SLC15A4: variants seen among roughly 807,000 people sequenced by gnomAD.
SLC15A4 encodes the protein solute carrier family 15 member 4, also known as hPHT1.
SLC15A4 carries 26 observed loss-of-function variants against 46.1 expected under a neutral mutation model. The ratio of observed to expected loss-of-function variants is 0.56; its 90% CI spans 0.41 to 0.78. SLC15A4 has a LOEUF of 0.78. SLC15A4 is among the 30% of genes least tolerant of loss of function. SLC15A4 has a pLI of 0.00. For missense variants in SLC15A4, 751 were observed against 755.7 expected (o/e 0.99, Z 0.07); for synonymous variants, 370 against 333.4 (o/e 1.11, Z -1.20).
At chr12:128,822,293 T>G (rs1238498843) in intron 1 of SLC15A4, among the ~76,000 whole-genome samples, 1 of 152,250 alleles carries the variant, frequency 6.6e-6, no homozygotes, top group Admixed American at 6.5e-5. Context: ...CATTTTCATC[T>G]GAGCTTTCCG....
intron 4 of SLC15A4, 57 bp from the exon 5 acceptor site, chr12:128,809,013 C>A: frequency 6.6e-7 from 1 of 1,514,096 alleles, no homozygotes; most frequent in South Asian, 1.2e-5. Flanking sequence ...CATCACCTGT[C>A]TAGAGAACCA....
chr12:128,812,947 G>T (rs114360224), intron 2 of SLC15A4, among the ~76,000 whole-genome samples: 1 of 151,966 alleles, frequency 6.6e-6, no homozygotes, highest in Admixed American at 6.6e-5. Context: ...AGAGGAAATC[G>T]GCTTCCTAAG....
Position 128,823,951 on chromosome 12 carries a change from C to A in SLC15A4, c.-8G>T. The A allele has an allele frequency of 2.1e-6, 1 of 466,894 alleles. No individual in the cohort carries two copies. Among genetic ancestry groups the A allele is most frequent in the Non-Finnish European group, 2.8e-6 (1 of 355,680 alleles). 28.9% of individuals were successfully genotyped at this position (466,894 alleles called of 1,614,324 possible). On this transcript the variant is annotated 5_prime_UTR_variant, in exon 1 of 8. Coordinates refer to ENST00000266771, the MANE Select transcript of SLC15A4 (RefSeq NM_145648.4). ...GCCCCCAGAGCCCTCCATGCGACGC[C>A]GCCAGCTGCCTCGCCCCGCCGCCGG...
chr12:128,817,582 A>G (rs972069412), intron 1 of SLC15A4, among the ~76,000 whole-genome samples: 2 of 152,112 alleles, frequency 1.3e-5, no homozygotes, highest in Admixed American at 6.5e-5. Context: ...GACACTGCAC[A>G]TATCTTCCCA....
chr12:128,817,359 G>A (rs975900369), intron 1 of SLC15A4, among the ~76,000 whole-genome samples: 2 of 152,174 alleles, frequency 1.3e-5, no homozygotes, highest in African/African-American at 4.8e-5. Context: ...CAGAGAAATG[G>A]TTACTGAGAA....
intron 7 of SLC15A4, 151 bp downstream of exon 7, chr12:128,799,108 G>T: frequency 1.3e-6 from 1 of 788,912 alleles, no homozygotes; most frequent in Non-Finnish European, 2.1e-6. Flanking sequence ...GATGCAAGCA[G>T]CACAGAGCAG....
At chr12:128,816,352 C>T (rs181916062) in intron 1 of SLC15A4, among the ~76,000 whole-genome samples, 35 of 152,310 alleles carry the variant, frequency 2.3e-4, no homozygotes, top group African/African-American at 7.5e-4. Flanking sequence ...TTTTAACAAA[C>T]TTATGAGAGG....
At chr12:128,807,052 G>A (rs567697467) in intron 5 of SLC15A4, among the ~76,000 whole-genome samples, 4 of 152,044 alleles carry the variant, frequency 2.6e-5, no homozygotes, top group East Asian at 1.9e-4. Flanking sequence ...ACAGGCGCCC[G>A]CCACCATGGC....
intron 1 of SLC15A4, chr12:128,819,930 T>C (rs538205602): frequency 6.6e-6 from 1 of 152,416 alleles, no homozygotes; most frequent in South Asian, 2.1e-4. Context: ...CCAGCTCCCC[T>C]AGGCACCTGC....
intron 1 of SLC15A4, among the ~76,000 whole-genome samples, chr12:128,817,955 G>T (rs2135722574): frequency 1.3e-5 from 2 of 151,962 alleles, no homozygotes; most frequent in South Asian, 4.1e-4. Context: ...CACATGACTG[G>T]CCAAAAGATA....
chr12:128,818,955 G>C (rs1030497608), intron 1 of SLC15A4, among the ~76,000 whole-genome samples: 1 of 152,040 alleles, frequency 6.6e-6, no homozygotes, highest in East Asian at 1.9e-4. Context: ...TGAAAAATAT[G>C]CCATTGTATG....
chr12:128,804,479 C>G (rs562238573), intron 5 of SLC15A4, among the ~76,000 whole-genome samples: 73 of 152,300 alleles, frequency 4.8e-4, no homozygotes, highest in African/African-American at 1.7e-3. Context: ...CGCCTGTAAT[C>G]CCAGCACTTT....
At position 128,814,671 on chromosome 12, in the gene SLC15A4, C is replaced by T. The variant is rs1955720410; in HGVS notation, c.842+104G>A. The T allele has an allele frequency of 6.5e-6, 8 of 1,237,970 alleles. No homozygotes were observed. The East Asian group carries it at 1.9e-4, about 29-fold the overall frequency. The allele number at this position is 1,237,970 out of a possible 1,614,324, so 76.7% of individuals were successfully genotyped here. On this transcript the variant is annotated intron_variant, in intron 2 of 7. Transcript: ENST00000266771. ...GAGAAGACATGTAAACCACTCAGCC[C>T]AGGCCCAGCACACAATAAGCACACA...
chr12:128,794,033 C>T lies in SLC15A4; in HGVS notation c.*163G>A, dbSNP rs1407997811. 3.1e-6 allele frequency: 2 copies of T among 654,338 alleles called. No homozygotes were observed. The highest frequency in any genetic ancestry group is 3.4e-5 in the South Asian group (1 of 29,180). The allele number at this position is 654,338 out of a possible 1,614,324, so 40.5% of individuals were successfully genotyped here. Reference sequence around the variant, plus strand: ...AGACACGCTGCAGTAAGGCACTTACCAAGCTCCTTTGGATAGAGGGAAAGA... The same window carrying T: ...AGACACGCTGCAGTAAGGCACTTACTAAGCTCCTTTGGATAGAGGGAAAGA... On this transcript the variant is annotated 3_prime_UTR_variant, in exon 8 of 8. Coordinates refer to ENST00000266771, the MANE Select transcript of SLC15A4 (RefSeq NM_145648.4).
chr12:128,812,386 C>T (rs1423050180), intron 2 of SLC15A4, among the ~76,000 whole-genome samples: 7 of 151,896 alleles, frequency 4.6e-5, no homozygotes, highest in Non-Finnish European at 8.8e-5. Flanking sequence ...GTGGTGTGAT[C>T]GCGGCTCACT....
intron 2 of SLC15A4, among the ~76,000 whole-genome samples, chr12:128,812,654 G>A (rs940439632): frequency 3.9e-5 from 6 of 152,162 alleles, no homozygotes; most frequent in Non-Finnish European, 7.4e-5. Flanking sequence ...CGTCACAGTG[G>A]TCACCACTGA....
At position 128,808,976 on chromosome 12, in the gene SLC15A4, G is replaced by T. The variant is rs202166591; in HGVS notation, c.1090-20C>A. The T allele has an allele frequency of 1.1e-4, 174 of 1,606,022 alleles. No homozygotes were observed. The African/African-American group carries it at 1.1e-3, about 10-fold the overall frequency. Reference sequence around the variant, plus strand: ...AGGGAGCTGGGGTGAAACACAGGAGGAGGCGTTTACTCCCCGCAATACAGG... The same window carrying T: ...AGGGAGCTGGGGTGAAACACAGGAGTAGGCGTTTACTCCCCGCAATACAGG... On this transcript the variant is annotated intron_variant, in intron 4 of 7. Coordinates refer to ENST00000266771, the MANE Select transcript of SLC15A4 (RefSeq NM_145648.4).
At chr12:128,816,209 CA>C (rs1955749531) in intron 1 of SLC15A4, among the ~76,000 whole-genome samples, 1 of 152,152 alleles carries the variant, frequency 6.6e-6, no homozygotes, top group Non-Finnish European at 1.5e-5. Flanking sequence ...GCGGTGGGAA[CA>C]GGTCATTTGG....
intron 1 of SLC15A4, among the ~76,000 whole-genome samples, chr12:128,822,930 C>T (rs1396138840): frequency 6.6e-6 from 1 of 152,072 alleles, no homozygotes; most frequent in Non-Finnish European, 1.5e-5. Context: ...CTCACTGCAG[C>T]CTCCGAAACT....
Sources: allele counts gnomAD v4.1 joint callset (sites outside exome capture counted in the v4.1 genomes callset), GRCh38; gene constraint gnomAD v4.1.1; transcripts MANE v1.5; gene names NCBI Gene and HGNC (gene_info 2026-07-23, HGNC 2026-07-21).